Variants in THSD4 observed in about 807,000 individuals in gnomAD.
The protein encoded by THSD4 is thrombospondin type 1 domain containing 4, also known as thrombospondin type-1 domain-containing protein 4.
A neutral mutation model predicts 119.0 loss-of-function variants in THSD4; 69 were observed. That is an observed-to-expected ratio of 0.58 (90% CI 0.48 to 0.71). The LOEUF is 0.71. Ranked by LOEUF, THSD4 falls within the 30% of genes least tolerant of loss-of-function variation. The probability of loss-of-function intolerance (pLI) is 0.00; values close to 1 mark genes in which losing one functional copy is unlikely to be tolerated. For synonymous variants in THSD4, 524 were observed against 540.4 expected (o/e 0.97, Z 0.42); for missense variants, 1,393 against 1,391.1 (o/e 1.00, Z -0.02).
At chr15:71,263,583 T>A (rs937333789) in intron 6 of THSD4, among the ~76,000 whole-genome samples, 4 of 152,168 alleles carry the variant, frequency 2.6e-5, no homozygotes, top group African/African-American at 9.7e-5. Flanking sequence ...TCTTCCACAA[T>A]GGGTGAACTA....
At chr15:71,239,338 T>C (rs1453229301) in intron 4 of THSD4, among the ~76,000 whole-genome samples, 1 of 152,150 alleles carries the variant, frequency 6.6e-6, no homozygotes, top group East Asian at 1.9e-4. Context: ...TCCTTAAATA[T>C]TGCATCCTAG....
chr15:71,579,004 C>T (rs546870516), intron 7 of THSD4, among the ~76,000 whole-genome samples: 6 of 151,896 alleles, frequency 4.0e-5, no homozygotes, highest in Middle Eastern at 3.4e-3. Flanking sequence ...CTATCACACC[C>T]GGCTAATTTT....
chr15:71,672,572 C>T (rs1473293777), intron 8 of THSD4, among the ~76,000 whole-genome samples: 1 of 152,128 alleles, frequency 6.6e-6, no homozygotes, highest in Non-Finnish European at 1.5e-5. Flanking sequence ...TGCCAGTTTT[C>T]GAAGGAAATG....
At chr15:71,325,310 C>T (rs1436324955) in intron 6 of THSD4, among the ~76,000 whole-genome samples, 1 of 152,172 alleles carries the variant, frequency 6.6e-6, no homozygotes, top group East Asian at 1.9e-4. Context: ...TCCTCCTTTT[C>T]CTTCCATTGC....
At chr15:71,716,401 T>C (rs985169008) in intron 8 of THSD4, among the ~76,000 whole-genome samples, 1 of 152,194 alleles carries the variant, frequency 6.6e-6, no homozygotes, top group African/African-American at 2.4e-5. Flanking sequence ...TAGGATATGT[T>C]TGGCCATGCA....
At chr15:71,514,885 A>G (rs979850641) in intron 7 of THSD4, among the ~76,000 whole-genome samples, 9 of 152,174 alleles carry the variant, frequency 5.9e-5, no homozygotes, top group African/African-American at 1.7e-4. Flanking sequence ...ATAACATCCT[A>G]TGGGTGGATA....
chr15:71,347,513 A>G (rs1414040203), intron 6 of THSD4, among the ~76,000 whole-genome samples: 1 of 152,176 alleles, frequency 6.6e-6, no homozygotes, highest in Non-Finnish European at 1.5e-5. Context: ...ACATTTATTC[A>G]TTCAAGCATT....
At chr15:71,690,025 A>G (rs1387558227) in intron 8 of THSD4, among the ~76,000 whole-genome samples, 1 of 152,166 alleles carries the variant, frequency 6.6e-6, no homozygotes, top group Non-Finnish European at 1.5e-5. Flanking sequence ...AATAGAGTAA[A>G]TGCCCCCAAA....
chr15:71,712,226 A>T (rs888957814), intron 8 of THSD4, among the ~76,000 whole-genome samples: 1 of 152,362 alleles, frequency 6.6e-6, no homozygotes, highest in Non-Finnish European at 1.5e-5. Context: ...TTTCCCAAAT[A>T]TTAAAAAATA....
intron 1 of THSD4, among the ~76,000 whole-genome samples, chr15:71,118,599 A>G (rs1431001387): frequency 1.5e-5 from 2 of 135,762 alleles, no homozygotes; most frequent in Non-Finnish European, 3.4e-5. Flanking sequence ...GCACATGACT[A>G]TTTGCCTGGG....
intron 8 of THSD4, among the ~76,000 whole-genome samples, chr15:71,708,520 A>G (rs911293853): frequency 6.6e-6 from 1 of 152,180 alleles, no homozygotes; most frequent in Non-Finnish European, 1.5e-5. Flanking sequence ...CTATATAGAA[A>G]CTAACTGAAA....
intron 7 of THSD4, among the ~76,000 whole-genome samples, chr15:71,651,061 A>G (rs2051077019): frequency 6.6e-6 from 1 of 152,222 alleles, no homozygotes; most frequent in Admixed American, 6.5e-5. Context: ...ATTAATGAGT[A>G]TCAAGATCTA....
chr15:71,150,250 T>A (rs2040707715), intron 2 of THSD4, among the ~76,000 whole-genome samples: 1 of 152,164 alleles, frequency 6.6e-6, no homozygotes. Context: ...CAAACATTAA[T>A]TTTGAATTGG....
At chr15:71,614,900 A>G (rs897242270) in intron 7 of THSD4, among the ~76,000 whole-genome samples, 9 of 152,132 alleles carry the variant, frequency 5.9e-5, no homozygotes, top group African/African-American at 4.8e-5. Context: ...CAGAGGTTCA[A>G]GTTAACTGAG....
intron 12 of THSD4, 126 bp downstream of exon 12, chr15:71,745,361 A>G (rs1216424025): frequency 7.8e-7 from 1 of 1,279,974 alleles, no homozygotes; most frequent in African/African-American, 1.5e-5. Flanking sequence ...TGGACCATGC[A>G]TAAAATGCAG....
At chr15:71,386,240 C>T (rs948463278) in intron 6 of THSD4, among the ~76,000 whole-genome samples, 5 of 152,148 alleles carry the variant, frequency 3.3e-5, no homozygotes, top group African/African-American at 9.7e-5. Flanking sequence ...CAGGCAGCTA[C>T]TTAATGGTTT....
intron 7 of THSD4, among the ~76,000 whole-genome samples, chr15:71,600,739 TCTTTCTTTC>T (rs2049992585): frequency 2.3e-5 from 3 of 129,144 alleles, no homozygotes; most frequent in African/African-American, 8.0e-5. Context: ...TCTTTTTTTT[TCTTTCTTTC>T]TTTTTTTTTT....
intron 7 of THSD4, among the ~76,000 whole-genome samples, chr15:71,515,228 T>C (rs2048341444): frequency 6.6e-6 from 1 of 152,230 alleles, no homozygotes. Flanking sequence ...ACTACCTCTT[T>C]TCATTGAAGC....
intron 7 of THSD4, among the ~76,000 whole-genome samples, chr15:71,638,255 C>G (rs181598209): frequency 2.0e-4 from 31 of 152,244 alleles, no homozygotes; most frequent in African/African-American, 7.5e-4. Flanking sequence ...ATAGTGTAGA[C>G]AAGTGAATAC....
Sources: allele counts gnomAD v4.1 joint callset (sites outside exome capture counted in the v4.1 genomes callset), GRCh38; gene constraint gnomAD v4.1.1; transcripts MANE v1.5; gene names NCBI Gene and HGNC (gene_info 2026-07-23, HGNC 2026-07-21).